PCDH9: variants seen among roughly 807,000 people sequenced by gnomAD.
The protein encoded by PCDH9 is protocadherin 9.
A neutral mutation model predicts 70.6 loss-of-function variants in PCDH9; 24 were observed. That is an observed-to-expected ratio of 0.34 (90% CI 0.25 to 0.48). PCDH9 has a LOEUF of 0.48. Ranked by LOEUF, PCDH9 falls within the 20% of genes least tolerant of loss-of-function variation. The pLI is 0.99. For synonymous variants in PCDH9, 562 were observed against 558.5 expected, an observed-to-expected ratio of 1.01 and a Z score of -0.09; for missense variants, 1,281 against 1,503.6, an observed-to-expected ratio of 0.85 and a Z score of 2.45.
At chr13:67,186,040 A>T (rs1017741707) in intron 2 of PCDH9, among the ~76,000 whole-genome samples, 4 of 152,132 alleles carry the variant, frequency 2.6e-5, no homozygotes, top group African/African-American at 9.6e-5. Context: ...CCCTGCAAGC[A>T]TCTTTAATAA....
chr13:66,714,429 A>C (rs1267164470), intron 3 of PCDH9, among the ~76,000 whole-genome samples: 4 of 151,074 alleles, frequency 2.6e-5, no homozygotes. Context: ...GTGCCACTGC[A>C]CTCCAGCCTG....
intron 2 of PCDH9, among the ~76,000 whole-genome samples, chr13:67,155,099 C>T (rs984535706): frequency 6.6e-6 from 1 of 152,074 alleles, no homozygotes; most frequent in Non-Finnish European, 1.5e-5. Flanking sequence ...TGTATTTTGT[C>T]ATTCCATCCC....
chr13:66,562,162 G>A (rs370435905), intron 4 of PCDH9, among the ~76,000 whole-genome samples: 34 of 151,842 alleles, frequency 2.2e-4, no homozygotes, highest in Admixed American at 6.5e-4. Context: ...CACCAATTCC[G>A]GACACAGTAC....
At chr13:66,616,484 C>CTTTTTTTTTTTTTTTTTT (rs60587237) in intron 4 of PCDH9, among the ~76,000 whole-genome samples, 6 of 116,664 alleles carry the variant, frequency 5.1e-5, no homozygotes, top group East Asian at 2.6e-4. Context: ...TTCTAAAATT[C>CTTTTTTTTTTTTTTTTTT]TTTTTTTTTT....
intron 3 of PCDH9, among the ~76,000 whole-genome samples, chr13:66,792,442 G>T (rs892785389): frequency 5.9e-5 from 9 of 152,024 alleles, no homozygotes; most frequent in African/African-American, 2.2e-4. Context: ...GGCTGAGGTG[G>T]GCAGATCACC....
intron 3 of PCDH9, among the ~76,000 whole-genome samples, chr13:66,637,356 C>A (rs2077651845): frequency 6.6e-6 from 1 of 152,130 alleles, no homozygotes; most frequent in Non-Finnish European, 1.5e-5. Flanking sequence ...GGTTTCTGAA[C>A]TTATGATTTA....
At chr13:66,870,328 T>G (rs2081654026) in intron 3 of PCDH9, among the ~76,000 whole-genome samples, 1 of 152,164 alleles carries the variant, frequency 6.6e-6, no homozygotes, top group African/African-American at 2.4e-5. Context: ...TACTGTAGCC[T>G]TGTAGTATAG....
chr13:66,456,916 G>A (rs907244899), intron 4 of PCDH9, among the ~76,000 whole-genome samples: 1 of 152,010 alleles, frequency 6.6e-6, no homozygotes, highest in Non-Finnish European at 1.5e-5. Context: ...ATTTTATTGA[G>A]ATATTATTTA....
chr13:66,552,019 C>T (rs573669221), intron 4 of PCDH9, among the ~76,000 whole-genome samples: 1 of 152,154 alleles, frequency 6.6e-6, no homozygotes, highest in African/African-American at 2.4e-5. Flanking sequence ...ATTAATGTTG[C>T]TTGTCTTATA....
At chr13:66,627,525 G>C (rs1247308911) in intron 4 of PCDH9, among the ~76,000 whole-genome samples, 1 of 152,058 alleles carries the variant, frequency 6.6e-6, no homozygotes, top group Non-Finnish European at 1.5e-5. Flanking sequence ...ATTTACAAAG[G>C]AGGTTTAAAT....
rs939987716 is a variant in PCDH9, at chr13:66,303,687, T to C, written c.*968A>G. The C allele has an allele frequency of 6.6e-6, 1 of 152,458 alleles. No individual in the cohort carries two copies. Among genetic ancestry groups the C allele is most frequent in the Non-Finnish European group, 1.5e-5 (1 of 67,970 alleles). The allele number at this position is 152,458 out of a possible 1,614,324, so 9.4% of individuals were successfully genotyped here. A position where few individuals can be genotyped will look rare whatever the true frequency, so the allele number is the denominator to read the frequency against. On this transcript the variant is annotated 3_prime_UTR_variant, in exon 5 of 5. Transcript: ENST00000377865. ...ACAAGTACAGGATATTATATCACTT[T>C]TGATGGATAACAGTTTTCCATTACT... is the stretch of plus-strand genomic sequence containing the variant.
At chr13:66,887,340 C>T (rs2139556730) in intron 3 of PCDH9, among the ~76,000 whole-genome samples, 1 of 152,068 alleles carries the variant, frequency 6.6e-6, no homozygotes, top group South Asian at 2.1e-4. Flanking sequence ...AACCAAAACG[C>T]CTGCTCATGC....
intron 3 of PCDH9, among the ~76,000 whole-genome samples, chr13:66,718,063 G>A (rs1453564978): frequency 6.6e-6 from 1 of 152,120 alleles, no homozygotes; most frequent in Non-Finnish European, 1.5e-5. Flanking sequence ...TTGATGATGG[G>A]AAGCAATAGG....
chr13:66,579,820 C>T (rs9540827), intron 4 of PCDH9, among the ~76,000 whole-genome samples: 63,976 of 151,778 alleles, frequency 0.42, 13,707 homozygotes, highest in Middle Eastern at 0.57. Flanking sequence ...GAATTCATCT[C>T]AGATCTATTT....
At chr13:66,465,560 A>T (rs1958500689) in intron 4 of PCDH9, among the ~76,000 whole-genome samples, 2 of 151,894 alleles carry the variant, frequency 1.3e-5, no homozygotes, top group African/African-American at 4.8e-5. Context: ...TTTTATTCAC[A>T]TCAAATTTCT....
At chr13:66,837,542 T>C (rs978917377) in intron 3 of PCDH9, among the ~76,000 whole-genome samples, 2 of 152,204 alleles carry the variant, frequency 1.3e-5, no homozygotes, top group Non-Finnish European at 2.9e-5. Flanking sequence ...TCCTTTCCTT[T>C]ACTCTCTTTT....
chr13:67,020,576 T>C (rs2084655844), intron 2 of PCDH9, among the ~76,000 whole-genome samples: 1 of 152,142 alleles, frequency 6.6e-6, no homozygotes, highest in African/African-American at 2.4e-5. Context: ...GAAATGACTA[T>C]CCATCAATAA....
chr13:66,606,097 T>C (rs73194773), intron 4 of PCDH9, among the ~76,000 whole-genome samples: 20,887 of 152,004 alleles, frequency 0.14, 1,699 homozygotes, highest in Middle Eastern at 0.22. Flanking sequence ...TTAAAGTTTG[T>C]AGGGTAGAAG....
intron 4 of PCDH9, among the ~76,000 whole-genome samples, chr13:66,568,679 A>C (rs1258585528): frequency 6.6e-6 from 1 of 152,014 alleles, no homozygotes; most frequent in Non-Finnish European, 1.5e-5. Flanking sequence ...TCTCAAAAAA[A>C]AAAAAGAAAA....
Sources: gnomAD v4.1 joint callset for allele counts (sites outside exome capture counted in the v4.1 genomes callset) on GRCh38, gnomAD v4.1.1 for gene constraint, MANE v1.5 for transcripts, NCBI Gene and HGNC (gene_info 2026-07-23, HGNC 2026-07-21) for gene names.